The following CREB3L3 variants were observed in gnomAD, a reference collection of about 807,000 sequenced individuals.
CREB3L3 encodes cAMP responsive element binding protein 3 like 3.
A neutral mutation model predicts 44.6 loss-of-function variants in CREB3L3; 40 were observed. That is an observed-to-expected ratio of 0.90 (90% CI 0.70 to 1.17). The LOEUF is 1.17. Ranked by LOEUF, CREB3L3 falls within the 50% of genes most tolerant of loss-of-function variation. The pLI is 0.00. For missense variants in CREB3L3, 578 were observed against 595.8 expected (o/e 0.97, Z 0.31); for synonymous variants, 273 against 256.3 (o/e 1.06, Z -0.62).
At chr19:4,156,907 G>A in intron 2 of CREB3L3, 88 bp from the exon 3 acceptor site, 1 of 1,399,394 alleles carries the variant, frequency 7.1e-7, no homozygotes, top group South Asian at 1.2e-5. Flanking sequence ...AAGGCCCAAA[G>A]AGGGTCACTG....
chr19:4,154,411 C>T (rs2041546494), intron 1 of CREB3L3, among the ~76,000 whole-genome samples: 2 of 152,018 alleles, frequency 1.3e-5, no homozygotes, highest in South Asian at 4.1e-4. Context: ...GCTCTGTGAC[C>T]CAGGGTGGAG....
chr19:4,163,351 A>AGAAGGAAGGAAGGAAGGAAG (rs1555703364), intron 4 of CREB3L3, among the ~76,000 whole-genome samples: 10 of 117,240 alleles, frequency 8.5e-5, no homozygotes, highest in African/African-American at 2.3e-4. Context: ...AAAGAAAGAA[A>AGAAGGAAGGAAGGAAGGAAG]GAAGGAAGGA....
In CREB3L3 at chr19:4,171,711, G is replaced by A; in HGVS notation, c.1128G>A (p.Val376=). The A allele has an allele frequency of 6.2e-7, 1 of 1,613,320 alleles. No homozygotes were observed. The highest frequency in any genetic ancestry group is 8.5e-7 in the Non-Finnish European group (1 of 1,180,030). Residue 376 remains valine, a synonymous_variant, in exon 10 of 10, where the codon GTG becomes GTA. Transcript: ENST00000078445. This position sits in a 1 kb window ranked among gnomAD's most constrained non-coding sequence, Gnocchi z 4.9. ...CCTCCCGCGTGGCTGCTGATGCTGT[G>A]CCAGGCTCCGAGGCCCCAGGACCCC... ...DAASRVAADA[V]PGSEAPGPRP... is the part of the protein sequence containing the mutation.
intron 1 of CREB3L3, among the ~76,000 whole-genome samples, chr19:4,154,134 C>T (rs370997015): frequency 4.0e-4 from 61 of 152,128 alleles, no homozygotes; most frequent in African/African-American, 1.4e-3. Context: ...TGCAATGGCA[C>T]GATCTCAGCT....
At position 4,171,422 on chromosome 19, in the gene CREB3L3, A is replaced by T; in HGVS notation, c.1015A>T (p.Ile339Phe). Residue 339 changes from isoleucine to phenylalanine, a missense_variant, in exon 9 of 10, where the codon ATC becomes TTC. Ile to Phe is a conservative substitution (Grantham distance 21). Coordinates refer to ENST00000078445, the MANE Select transcript of CREB3L3 (RefSeq NM_032607.3). This position sits in a 1 kb window ranked among gnomAD's most constrained non-coding sequence, Gnocchi z 4.9. ...CTTTGCCCTCATCATCCTCCCCTCC[A>T]TCAGCCCTTTTGGCCCCAACAAAAC... ...LSFALIILPS[I>F]SPFGPNKTES... is the part of the protein sequence containing the mutation. 1 of 1,614,006 alleles carries T rather than the reference A, an allele frequency of 6.2e-7. No homozygotes were observed. Among genetic ancestry groups the T allele is most frequent in the Non-Finnish European group, 8.5e-7 (1 of 1,179,984 alleles).
rs370288887 is a variant in CREB3L3 at position 4,171,133 on chromosome 19, G to A, written c.933G>A (p.Val311=). 6.2e-7 allele frequency: 1 copy of A among 1,614,090 alleles called. No homozygotes were observed. Among genetic ancestry groups the A allele is most frequent in the Non-Finnish European group, 8.5e-7 (1 of 1,179,994 alleles). ...EQLKKLQAIV[V]QSTSKSAQTG... ...TGAAGAAACTCCAGGCCATTGTGGT[G>A]CAGTCCACCAGCAAGTCAGCCCAGA... The change falls in exon 8 of 10, where the codon GTG becomes GTA. Residue 311 remains valine, a synonymous_variant. Coordinates refer to ENST00000078445, the MANE Select transcript of CREB3L3 (RefSeq NM_032607.3). The surrounding 1 kb of genome is among the most constrained non-coding windows in gnomAD (Gnocchi z 4.9).
At chr19:4,159,243 C>T (rs978698882) in intron 3 of CREB3L3, among the ~76,000 whole-genome samples, 37 of 152,058 alleles carry the variant, frequency 2.4e-4, no homozygotes, top group African/African-American at 7.7e-4. Flanking sequence ...GTCCACCACC[C>T]GGGTTCAAGT....
At position 4,155,363 on chromosome 19, in the gene CREB3L3, T is replaced by TC. The variant is rs1463631292; in HGVS notation, c.156+337dup. ...TCTCCTTCCTTTCTCTCTTTCTTCTTCTTTTTTTTTTTTTTGAAGGAGTCT... is the reference window on the plus strand; with the variant it reads ...TCTCCTTCCTTTCTCTCTTTCTTCTTCCTTTTTTTTTTTTTTGAAGGAGTCT... On this transcript the variant is annotated intron_variant, in intron 2 of 9. Coordinates refer to ENST00000078445, the MANE Select transcript of CREB3L3 (RefSeq NM_032607.3). 3.6e-5 allele frequency among the ~76,000 whole-genome samples: 5 copies of TC among 140,374 alleles called. No homozygotes were observed. The East Asian group carries it at 1.2e-3, about 32-fold the overall frequency. The allele number at this position is 140,374 out of a possible 152,430, so 92.1% of individuals were successfully genotyped here. A position where few individuals can be genotyped will look rare whatever the true frequency, so the allele number is the denominator to read the frequency against.
chr19:4,171,163 C>T lies in CREB3L3; in HGVS notation c.963C>T (p.Gly321=). 1 of 1,614,038 alleles carries T rather than the reference C, an allele frequency of 6.2e-7. No individual in the cohort carries two copies. Among genetic ancestry groups the T allele is most frequent in the Non-Finnish European group, 8.5e-7 (1 of 1,179,932 alleles). Residue 321 remains glycine, a synonymous_variant, in exon 8 of 10, where the codon GGC becomes GGT. Transcript: ENST00000078445. This position sits in a 1 kb window ranked among gnomAD's most constrained non-coding sequence, Gnocchi z 4.9. The stretch of plus-strand genomic sequence containing the variant: ...CCACCAGCAAGTCAGCCCAGACAGG[C>T]ACCTGTGTCGCAGTGAGTCCTGGTG... ...VQSTSKSAQT[G]TCVAVLLLSF...
intron 2 of CREB3L3, among the ~76,000 whole-genome samples, chr19:4,156,313 G>A (rs1599330268): frequency 1.3e-5 from 2 of 151,528 alleles, no homozygotes; most frequent in East Asian, 1.9e-4. Context: ...TCAGCTTCCC[G>A]AGTAGCTGAG....
chr19:4,156,103 CTCTCTCTCTCTCTCT>C (rs1412868301), intron 2 of CREB3L3, among the ~76,000 whole-genome samples: 15 of 142,550 alleles, frequency 1.1e-4, no homozygotes, highest in African/African-American at 3.4e-4. Context: ...CTCTCTCTCT[CTCTCTCTCTCTCTCT>C]CCCCCCCTCT....
chr19:4,169,636 G>C (rs567181216), intron 6 of CREB3L3, among the ~76,000 whole-genome samples: 1 of 136,768 alleles, frequency 7.3e-6, no homozygotes, highest in South Asian at 2.2e-4. Flanking sequence ...TTGTTGCCCA[G>C]GCTGGAGTGC....
Position 4,169,528 on chromosome 19 carries a change from G to C in CREB3L3, c.822-612G>C, listed in dbSNP as rs570896395. ...AAACTTGAGTCTCCCAGGATGCCTG[G>C]TTGTCCTGATATTTCATCTTCTGGA... On this transcript the variant is annotated intron_variant, in intron 6 of 9. Coordinates refer to ENST00000078445, the MANE Select transcript of CREB3L3 (RefSeq NM_032607.3). Among the ~76,000 whole-genome samples the C allele has an allele frequency of 3.3e-5, 5 of 149,872 alleles. No homozygotes were observed. The East Asian group carries it at 9.8e-4, about 29-fold the overall frequency.
intron 6 of CREB3L3, among the ~76,000 whole-genome samples, chr19:4,169,754 C>T (rs1967002341): frequency 6.6e-6 from 1 of 151,908 alleles, no homozygotes; most frequent in African/African-American, 2.4e-5. Context: ...CGCCCACCAC[C>T]ACACCTGGCT....
Position 4,172,544 on chromosome 19 carries a change from C to G in CREB3L3, c.*575C>G. On this transcript the variant is annotated 3_prime_UTR_variant, in exon 10 of 10. Coordinates refer to ENST00000078445, the MANE Select transcript of CREB3L3 (RefSeq NM_032607.3). ...AGACACAGCCTGAAACAGACCCGGA[C>G]AGACAGACAGACACAGCCTGAAACA... 1 of 259,890 alleles carries G rather than the reference C, an allele frequency of 3.8e-6. No homozygotes were observed. The highest frequency in any genetic ancestry group is 7.5e-6 in the Non-Finnish European group (1 of 133,154). The allele number at this position is 259,890 out of a possible 1,614,324, so 16.1% of individuals were successfully genotyped here.
At chr19:4,170,997 T>C in intron 7 of CREB3L3, 94 bp from the exon 8 acceptor site, 1 of 847,316 alleles carries the variant, frequency 1.2e-6, no homozygotes, top group Non-Finnish European at 2.1e-6. Flanking sequence ...TGGATGGAAT[T>C]TGGACTTTAG....
At chr19:4,155,695 TTTCCTTCC>T (rs563757938) in intron 2 of CREB3L3, among the ~76,000 whole-genome samples, 2 of 150,794 alleles carry the variant, frequency 1.3e-5, no homozygotes, top group East Asian at 2.0e-4. Context: ...TCTTTTTCTC[TTTCCTTCC>T]TTCCTTCCTT....
chr19:4,157,137 C>G lies in CREB3L3; in HGVS notation c.299C>G (p.Thr100Ser). 1.2e-6 allele frequency: 2 copies of G among 1,614,030 alleles called. No homozygotes were observed. The highest frequency in any genetic ancestry group is 1.7e-6 in the Non-Finnish European group (2 of 1,180,002). The part of the protein sequence containing the change: ...SEDLPSDPQD[T>S]PPRSGPATSP... ...GACCTCCCCTCCGACCCCCAGGACA[C>G]CCCTCCACGCAGCGGACCAGCCACC... Residue 100 changes from threonine (T) to serine (S), a missense_variant, in exon 3 of 10, where the codon ACC (threonine) becomes AGC (serine). By Grantham distance (58) the Thr-to-Ser change is moderately conservative. Coordinates refer to ENST00000078445, the MANE Select transcript of CREB3L3 (RefSeq NM_032607.3).
intron 5 of CREB3L3, among the ~76,000 whole-genome samples, chr19:4,165,743 G>A (rs1966891652): frequency 6.6e-6 from 1 of 151,782 alleles, no homozygotes; most frequent in Admixed American, 6.6e-5. Context: ...CAACTGTAAG[G>A]TGCTTCTCAG....
Sources: allele counts gnomAD v4.1 joint callset (sites outside exome capture counted in the v4.1 genomes callset), GRCh38; gene constraint gnomAD v4.1.1; non-coding constraint Gnocchi (gnomAD v3.1); transcripts MANE v1.5; gene names NCBI Gene and HGNC (gene_info 2026-07-23, HGNC 2026-07-21).